RFX2: variants seen among roughly 807,000 people sequenced by gnomAD.
RFX2 encodes regulatory factor X2.
RFX2 carries 20 observed loss-of-function variants against 87.8 expected under a neutral mutation model. The ratio of observed to expected loss-of-function variants is 0.23; its 90% confidence interval spans 0.16 to 0.33. The LOEUF (loss-of-function observed/expected upper bound fraction) is 0.33, where lower values mean the gene tolerates loss of function less well. Among genes scored for constraint, RFX2 ranks in the 10% least tolerant of loss-of-function variants. The pLI is 1.00. For synonymous variants in RFX2, 397 were observed against 431.3 expected (o/e 0.92, Z 0.98); for missense variants, 767 against 1,012.3 (o/e 0.76, Z 3.29).
rs2086888676 is a variant in RFX2 at position 6,026,350 on chromosome 19, C to T, written c.523-113G>A. Reference sequence around the variant, plus strand: ...TTTTATTAATATCCAAATAATGATTCGAGCTCCTACAAAATAAAAATGAGG... The same window carrying T: ...TTTTATTAATATCCAAATAATGATTTGAGCTCCTACAAAATAAAAATGAGG... On this transcript the variant is annotated intron_variant, in intron 5 of 17. Coordinates refer to ENST00000303657, the MANE Select transcript of RFX2 (RefSeq NM_000635.4). This position sits in a 1 kb window ranked among gnomAD's most constrained non-coding sequence, Gnocchi z 4.5. 12 of 865,526 alleles carry T rather than the reference C, an allele frequency of 1.4e-5. No homozygotes were observed. The highest frequency in any genetic ancestry group is 7.9e-5 in the South Asian group (5 of 63,478). The allele number at this position is 865,526 out of a possible 1,614,324, so 53.6% of individuals were successfully genotyped here.
rs1264304279 is a variant in RFX2 at position 6,007,973 on chromosome 19, T to G, written c.1134+133A>C. On this transcript the variant is annotated intron_variant, in intron 10 of 17. Coordinates refer to ENST00000303657, the MANE Select transcript of RFX2 (RefSeq NM_000635.4). This position sits in a 1 kb window ranked among gnomAD's most constrained non-coding sequence, Gnocchi z 8.2. ...ATGGACATGGATGCGGAGGGGCTGCTGCTTCAGAGAGGATGCTTGTTGGGG... is the reference window on the plus strand; with the variant it reads ...ATGGACATGGATGCGGAGGGGCTGCGGCTTCAGAGAGGATGCTTGTTGGGG... 2.5e-6 allele frequency: 2 copies of G among 804,838 alleles called. No individual in the cohort carries two copies. Among genetic ancestry groups the G allele is most frequent in the Non-Finnish European group, 4.2e-6 (2 of 472,986 alleles). 49.9% of individuals were successfully genotyped at this position (804,838 alleles called of 1,614,324 possible).
rs1183312248 is a variant in RFX2 at position 6,039,733 on chromosome 19, G to T, written c.522+247C>A. Among the ~76,000 whole-genome samples the T allele has an allele frequency of 6.6e-6, 1 of 152,216 alleles. No homozygotes were observed. Among genetic ancestry groups the T allele is most frequent in the East Asian group, 1.9e-4 (1 of 5,198 alleles). Reference sequence around the variant, plus strand: ...CTTGACTCATTCCCTTTTCACAACAGCCCATGACGCATGGCTTGTCCTCCT... The same window carrying T: ...CTTGACTCATTCCCTTTTCACAACATCCCATGACGCATGGCTTGTCCTCCT... On this transcript the variant is annotated intron_variant, in intron 5 of 17. Transcript: ENST00000303657. The surrounding 1 kb of genome is among the most constrained non-coding windows in gnomAD (Gnocchi z 5.2).
Position 6,024,586 on chromosome 19 carries a change from C to T in RFX2, c.597+1577G>A, listed in dbSNP as rs1471584879. ...GGGCTGCGGTGAGCAGGTGACCACA[C>T]CTGTACCTAACCCATAACCCAGGTT... On this transcript the variant is annotated intron_variant, in intron 6 of 17. Coordinates refer to ENST00000303657, the MANE Select transcript of RFX2 (RefSeq NM_000635.4). The surrounding 1 kb of genome is among the most constrained non-coding windows in gnomAD (Gnocchi z 5.0). 6.6e-6 allele frequency among the ~76,000 whole-genome samples: 1 copy of T among 152,256 alleles called. No individual in the cohort carries two copies. The highest frequency in any genetic ancestry group is 2.4e-5 in the African/African-American group (1 of 41,468).
At chr19:6,087,872 TA>T (rs1209763180) in intron 1 of RFX2, among the ~76,000 whole-genome samples, 1 of 152,202 alleles carries the variant, frequency 6.6e-6, no homozygotes, top group Non-Finnish European at 1.5e-5. Context: ...GGTGATGGGT[TA>T]CAGGTGCTGG....
Position 6,012,947 on chromosome 19 carries a change from G to A in RFX2, c.899+39C>T. The A allele has an allele frequency of 6.8e-7, 1 of 1,477,760 alleles. No individual in the cohort carries two copies. The highest frequency in any genetic ancestry group is 9.0e-7 in the Non-Finnish European group (1 of 1,113,314). 91.5% of individuals were successfully genotyped at this position (1,477,760 alleles called of 1,614,324 possible). A position where few individuals can be genotyped will look rare whatever the true frequency, so the allele number is the denominator to read the frequency against. On this transcript the variant is annotated intron_variant, in intron 8 of 17. Transcript: ENST00000303657. This position sits in a 1 kb window ranked among gnomAD's most constrained non-coding sequence, Gnocchi z 4.6. Reference sequence around the variant, plus strand: ...GAAACACCCACCCCTCCATGCTCCAGGGGAGAGCCAGCTCCTCCCAGCTCG... The same window carrying A: ...GAAACACCCACCCCTCCATGCTCCAAGGGAGAGCCAGCTCCTCCCAGCTCG...
rs1331342178 is a variant in RFX2, at chr19:6,060,367, C to T, written c.-8-12863G>A. ...TCCTTTACAGGAAAAGGCTGCTGGC[C>T]CCCTTCCTGAAGGTTCTAGAGCCTT... On this transcript the variant is annotated intron_variant, in intron 1 of 17. Transcript: ENST00000303657. 2.0e-5 allele frequency among the ~76,000 whole-genome samples: 3 copies of T among 152,232 alleles called. 1 individual carries two copies. The South Asian group carries it at 6.2e-4, about 32-fold the overall frequency.
At chr19:6,107,529 A>C (rs2144921043) in intron 1 of RFX2, among the ~76,000 whole-genome samples, 1 of 148,064 alleles carries the variant, frequency 6.8e-6, no homozygotes, top group Non-Finnish European at 1.5e-5. Flanking sequence ...AGACAGGTGA[A>C]TCCCTTGAGC....
intron 5 of RFX2, among the ~76,000 whole-genome samples, chr19:6,037,725 A>G (rs1340541517): frequency 6.6e-6 from 1 of 152,234 alleles, no homozygotes; most frequent in Non-Finnish European, 1.5e-5. Context: ...TGAAGAATAA[A>G]GTGGGAGGAA....
At position 6,101,137 on chromosome 19, in the gene RFX2, T is replaced by C. The variant is rs1797116302; in HGVS notation, c.-9+9256A>G. Among the ~76,000 whole-genome samples the C allele has an allele frequency of 6.6e-6, 1 of 152,190 alleles. No individual in the cohort carries two copies. Among genetic ancestry groups the C allele is most frequent in the African/African-American group, 2.4e-5 (1 of 41,450 alleles). Reference sequence around the variant, plus strand: ...CGTAAATGCTTAACTAATTATAAGCTCCTCAGATGTTTGATATTTCAGGCC... The same window carrying C: ...CGTAAATGCTTAACTAATTATAAGCCCCTCAGATGTTTGATATTTCAGGCC... On this transcript the variant is annotated intron_variant, in intron 1 of 17. Coordinates refer to ENST00000303657, the MANE Select transcript of RFX2 (RefSeq NM_000635.4). This position sits in a 1 kb window ranked among gnomAD's most constrained non-coding sequence, Gnocchi z 4.9.
Position 6,002,761 on chromosome 19 carries a change from A to C in RFX2, c.1610T>G (p.Met537Arg), listed in dbSNP as rs750772093. ...VLQNTSQINQMLSDLNRVDFA... is the reference protein window; with the variant it reads ...VLQNTSQINQRLSDLNRVDFA... Reference sequence around the variant, plus strand: ...GTCCACGCGGTTGAGGTCGCTGAGCATCTGGTTGATCTGGGACGTGTTCTG... The same window carrying C: ...GTCCACGCGGTTGAGGTCGCTGAGCCTCTGGTTGATCTGGGACGTGTTCTG... The change falls in exon 14 of 18, where the codon ATG (methionine) becomes AGG (arginine). Residue 537 changes from methionine (M) to arginine (R), a missense_variant. By Grantham distance (91) the Met-to-Arg change is moderately conservative. Transcript: ENST00000303657. This position sits in a 1 kb window ranked among gnomAD's most constrained non-coding sequence, Gnocchi z 6.7. The C allele has an allele frequency of 6.2e-7, 1 of 1,613,958 alleles. No homozygotes were observed. Among genetic ancestry groups the C allele is most frequent in the Non-Finnish European group, 8.5e-7 (1 of 1,179,958 alleles).
At position 6,061,241 on chromosome 19, in the gene RFX2, C is replaced by T. The variant is rs909576609; in HGVS notation, c.-8-13737G>A. Among the ~76,000 whole-genome samples, 8 of 152,168 alleles carry T rather than the reference C, an allele frequency of 5.3e-5. No individual in the cohort carries two copies. Among genetic ancestry groups the T allele is most frequent in the African/African-American group, 1.9e-4 (8 of 41,432 alleles). ...TGGTCTCCCTGCTTCCAGCCTCTGC[C>T]CTCTCCCAGCCAATTTTCTTTCACA... On this transcript the variant is annotated intron_variant, in intron 1 of 17. Coordinates refer to ENST00000303657, the MANE Select transcript of RFX2 (RefSeq NM_000635.4). The surrounding 1 kb of genome is among the most constrained non-coding windows in gnomAD (Gnocchi z 5.2).
rs1422870178 is a variant in RFX2 at position 5,997,348 on chromosome 19, G to C, written c.1860-135C>G. ...CCCAGAGGCTGAGTGATCCTAAGACGTGCAGGCCTACGCGGGGGCTGACGG... is the reference window on the plus strand; with the variant it reads ...CCCAGAGGCTGAGTGATCCTAAGACCTGCAGGCCTACGCGGGGGCTGACGG... On this transcript the variant is annotated intron_variant, in intron 15 of 17. Coordinates refer to ENST00000303657, the MANE Select transcript of RFX2 (RefSeq NM_000635.4). The surrounding 1 kb of genome is among the most constrained non-coding windows in gnomAD (Gnocchi z 4.2). The C allele has an allele frequency of 9.5e-7, 1 of 1,052,270 alleles. No homozygotes were observed. The highest frequency in any genetic ancestry group is 1.3e-6 in the Non-Finnish European group (1 of 753,250). 65.2% of individuals were successfully genotyped at this position (1,052,270 alleles called of 1,614,324 possible).
intron 1 of RFX2, among the ~76,000 whole-genome samples, chr19:6,076,259 G>A (rs375892747): frequency 6.6e-5 from 10 of 152,124 alleles, no homozygotes; most frequent in African/African-American, 2.2e-4. Context: ...CAGGAGAATC[G>A]CCTGAACCCG....
At position 5,998,490 on chromosome 19, in the gene RFX2, A is replaced by G. The variant is rs953524654; in HGVS notation, c.1860-1277T>C. Reference sequence around the variant, plus strand: ...CGTCTAATCGGTATCGAGCGATAAAAAGAAGACACAGGCTTGAGAAAGGCA... The same window carrying G: ...CGTCTAATCGGTATCGAGCGATAAAGAGAAGACACAGGCTTGAGAAAGGCA... On this transcript the variant is annotated intron_variant, in intron 15 of 17. Coordinates refer to ENST00000303657, the MANE Select transcript of RFX2 (RefSeq NM_000635.4). The surrounding 1 kb of genome is among the most constrained non-coding windows in gnomAD (Gnocchi z 4.2). Among the ~76,000 whole-genome samples, 5 of 152,218 alleles carry G rather than the reference A, an allele frequency of 3.3e-5. No individual in the cohort carries two copies. Among genetic ancestry groups the G allele is most frequent in the Admixed American group, 2.6e-4 (4 of 15,284 alleles).
In RFX2 at chr19:6,074,860, C is replaced by T. The variant is rs547997854; in HGVS notation, c.-8-27356G>A. 4.8e-4 allele frequency among the ~76,000 whole-genome samples: 73 copies of T among 152,270 alleles called. No homozygotes were observed. The highest frequency in any genetic ancestry group is 4.8e-3 in the Admixed American group (73 of 15,302). On this transcript the variant is annotated intron_variant, in intron 1 of 17. Transcript: ENST00000303657. This position sits in a 1 kb window ranked among gnomAD's most constrained non-coding sequence, Gnocchi z 5.2. ...TCACACGGGTCACGTGAGGAGGCCA[C>T]CAGAGGGAGCTGGGGGAATGCTGGG...
chr19:6,001,215 G>A lies in RFX2; in HGVS notation c.1859+600C>T, dbSNP rs1003088351. Among the ~76,000 whole-genome samples, 1 of 152,208 alleles carries A rather than the reference G, an allele frequency of 6.6e-6. No homozygotes were observed. Among genetic ancestry groups the A allele is most frequent in the Non-Finnish European group, 1.5e-5 (1 of 68,042 alleles). On this transcript the variant is annotated intron_variant, in intron 15 of 17. Coordinates refer to ENST00000303657, the MANE Select transcript of RFX2 (RefSeq NM_000635.4). This position sits in a 1 kb window ranked among gnomAD's most constrained non-coding sequence, Gnocchi z 5.6. Reference sequence around the variant, plus strand: ...TTTATGGTTGTTTCTCAAACTTGGTGTTTCGATATTTCACCAGGAGCCTCC... The same window carrying A: ...TTTATGGTTGTTTCTCAAACTTGGTATTTCGATATTTCACCAGGAGCCTCC...
At position 6,002,736 on chromosome 19, in the gene RFX2, G is replaced by A. The variant is rs1230600639; in HGVS notation, c.1635C>T (p.Asp545=). 6.2e-7 allele frequency: 1 copy of A among 1,613,814 alleles called. No individual in the cohort carries two copies. The highest frequency in any genetic ancestry group is 1.1e-5 in the South Asian group (1 of 91,070). ...AGGAAGTCACCTGCACGTTGGCAAAGTCCACGCGGTTGAGGTCGCTGAGCA... is the reference window on the plus strand; with the variant it reads ...AGGAAGTCACCTGCACGTTGGCAAAATCCACGCGGTTGAGGTCGCTGAGCA... ...NQMLSDLNRV[D]FANVQEQASW... Residue 545 remains aspartate (D), a synonymous_variant, in exon 14 of 18, where the codon GAC becomes GAT. Coordinates refer to ENST00000303657, the MANE Select transcript of RFX2 (RefSeq NM_000635.4). The surrounding 1 kb of genome is among the most constrained non-coding windows in gnomAD (Gnocchi z 6.7).
intron 1 of RFX2, among the ~76,000 whole-genome samples, chr19:6,090,648 A>G (rs967273697): frequency 6.6e-6 from 1 of 151,958 alleles, no homozygotes; most frequent in African/African-American, 2.4e-5. Flanking sequence ...CGACTCAGCA[A>G]CTCCACTCCT....
In RFX2 at chr19:6,063,286, C is replaced by T. The variant is rs2087466398; in HGVS notation, c.-8-15782G>A. On this transcript the variant is annotated intron_variant, in intron 1 of 17. Transcript: ENST00000303657. This position sits in a 1 kb window ranked among gnomAD's most constrained non-coding sequence, Gnocchi z 4.0. ...CTGCCAGACCCCCAGGCCTGAGCGCCAGCCCTTCACTGATCAGCTAGCCTC... is the reference window on the plus strand; with the variant it reads ...CTGCCAGACCCCCAGGCCTGAGCGCTAGCCCTTCACTGATCAGCTAGCCTC... Among the ~76,000 whole-genome samples the T allele has an allele frequency of 6.6e-6, 1 of 152,212 alleles. No individual in the cohort carries two copies.
Sources: allele counts gnomAD v4.1 joint callset (sites outside exome capture counted in the v4.1 genomes callset), GRCh38; gene constraint gnomAD v4.1.1; non-coding constraint Gnocchi (gnomAD v3.1); transcripts MANE v1.5; gene names NCBI Gene and HGNC (gene_info 2026-07-23, HGNC 2026-07-21).